ASH1L: variants seen among roughly 807,000 people sequenced by gnomAD.
ASH1L encodes histone-lysine N-methyltransferase ASH1L.
Under a neutral mutation model 269.0 loss-of-function variants are expected in ASH1L, and 23 were observed. The ratio of observed to expected loss-of-function variants is 0.09; its 90% confidence interval spans 0.06 to 0.12. The LOEUF (loss-of-function observed/expected upper bound fraction) is 0.12. ASH1L is among the 10% of genes least tolerant of loss of function. The probability of loss-of-function intolerance (pLI) is 1.00; values close to 1 mark genes in which losing one functional copy is unlikely to be tolerated. For synonymous variants in ASH1L, 1,187 were observed against 1,253.5 expected, an observed-to-expected ratio of 0.95 and a Z score of 1.12; for missense variants, 2,912 against 3,567.8, an observed-to-expected ratio of 0.82 and a Z score of 4.68.
chr1:155,474,399 T>C (rs899394870), intron 3 of ASH1L, among the ~76,000 whole-genome samples: 2 of 152,116 alleles, frequency 1.3e-5, no homozygotes, highest in African/African-American at 4.8e-5. Context: ...CACTTCAAAC[T>C]GTATGTATTA....
In ASH1L at chr1:155,482,295, G is replaced by A. The variant is rs753568698; in HGVS notation, c.575C>T (p.Thr192Met). Residue 192 changes from threonine (T) to methionine (M), a missense_variant, in exon 3 of 28, where the codon ACG becomes ATG. Thr to Met is a moderately conservative substitution (Grantham distance 81). Transcript: ENST00000392403. ...HSEMADYINATPSTLLGSRDP... is the reference protein window; with the variant it reads ...HSEMADYINAMPSTLLGSRDP... ...CCGGCTACCAAGAAGAGTAGATGGC[G>A]TTGCATTAATATAATCTGCCATTTC... The A allele has an allele frequency of 1.7e-5, 27 of 1,613,990 alleles. No individual in the cohort carries two copies. Among genetic ancestry groups the A allele is most frequent in the South Asian group, 4.4e-5 (4 of 91,092 alleles).
chr1:155,524,243 C>A (rs1323190316), intron 1 of ASH1L, among the ~76,000 whole-genome samples: 1 of 152,144 alleles, frequency 6.6e-6, no homozygotes, highest in Non-Finnish European at 1.5e-5. Context: ...ACAAAGTAGG[C>A]TGAGCATGGT....
chr1:155,419,311 C>G (rs1051025899), intron 5 of ASH1L: 4 of 150,230 alleles, frequency 2.7e-5, no homozygotes, highest in African/African-American at 7.4e-5. Flanking sequence ...GTAATGACAT[C>G]AAACAGTGTT....
intron 7 of ASH1L, among the ~76,000 whole-genome samples, chr1:155,382,312 C>G (rs1657043641): frequency 6.6e-6 from 1 of 151,632 alleles, no homozygotes; most frequent in South Asian, 2.1e-4. Flanking sequence ...TCCTGGCTAA[C>G]ATGGTGAAAC....
chr1:155,495,294 C>T (rs1667071045), intron 2 of ASH1L, among the ~76,000 whole-genome samples: 1 of 152,040 alleles, frequency 6.6e-6, no homozygotes, highest in East Asian at 1.9e-4. Context: ...TGATTTTTGT[C>T]ATTGTATGAT....
At chr1:155,400,378 G>C (rs1466484381) in intron 6 of ASH1L, among the ~76,000 whole-genome samples, 2 of 151,922 alleles carry the variant, frequency 1.3e-5, no homozygotes, top group South Asian at 4.1e-4. Flanking sequence ...AAGAGTCTTA[G>C]AGGAGTAATT....
At chr1:155,405,511 C>G (rs1276065745) in intron 6 of ASH1L, among the ~76,000 whole-genome samples, 1 of 151,846 alleles carries the variant, frequency 6.6e-6, no homozygotes, top group Non-Finnish European at 1.5e-5. Flanking sequence ...ACAACAACAA[C>G]AAACACTGTT....
At chr1:155,476,871 T>A (rs994269945) in intron 3 of ASH1L, among the ~76,000 whole-genome samples, 9 of 151,920 alleles carry the variant, frequency 5.9e-5, no homozygotes, top group African/African-American at 1.9e-4. Flanking sequence ...AAGTTTTTAA[T>A]CTTTTAGGGG....
Position 155,560,412 on chromosome 1 carries a change from G to A in ASH1L, c.-100+1741C>T, listed in dbSNP as rs115907380. The stretch of plus-strand genomic sequence containing the variant: ...CATTCTTTCTTCATATTCATAGAGG[G>A]GATTCTTACTATATGAAATGAGTCT... On this transcript the variant is annotated intron_variant, in intron 1 of 27. Transcript: ENST00000392403. Among the ~76,000 whole-genome samples the A allele has an allele frequency of 1.2e-3, 179 of 152,198 alleles. 1 individual carries two copies. The highest frequency in any genetic ancestry group is 4.1e-3 in the African/African-American group (170 of 41,518).
chr1:155,371,373 C>T (rs1224576925), intron 10 of ASH1L, among the ~76,000 whole-genome samples: 1 of 151,994 alleles, frequency 6.6e-6, no homozygotes. Context: ...CATGGTGAAA[C>T]CCTGTCTCTA....
At chr1:155,554,423 C>T (rs112745116) in intron 1 of ASH1L, among the ~76,000 whole-genome samples, 2 of 152,048 alleles carry the variant, frequency 1.3e-5, no homozygotes, top group African/African-American at 4.8e-5. Flanking sequence ...AAGGCGTGTG[C>T]CCCCACACAG....
chr1:155,347,419 A>G (rs1653452229), intron 20 of ASH1L, among the ~76,000 whole-genome samples: 1 of 152,184 alleles, frequency 6.6e-6, no homozygotes, highest in Non-Finnish European at 1.5e-5. Flanking sequence ...AAACAAAACA[A>G]AACAAAAAAA....
intron 2 of ASH1L, among the ~76,000 whole-genome samples, chr1:155,494,881 T>C (rs1482294172): frequency 2.6e-5 from 4 of 151,886 alleles, no homozygotes; most frequent in East Asian, 3.9e-4. Flanking sequence ...CACCAAGGTA[T>C]TGTAACATTA....
rs540848565 is a variant in ASH1L at position 155,480,582 on chromosome 1, T to G, written c.2288A>C (p.Asn763Thr). ...SNSEPAKFMK[N>T]IGPPSFVDHD... The stretch of plus-strand genomic sequence containing the variant: ...ATCTACAAATGAAGGGGGTCCAATG[T>G]TTTTCATAAACTTGGCTGGCTCAGA... Residue 763 changes from asparagine to threonine, a missense_variant, in exon 3 of 28, where the codon AAC becomes ACC. Physicochemically the swap from Asn to Thr is moderately conservative, Grantham distance 65. Coordinates refer to ENST00000392403, the MANE Select transcript of ASH1L (RefSeq NM_018489.3). 1 of 1,614,108 alleles carries G rather than the reference T, an allele frequency of 6.2e-7. No individual in the cohort carries two copies. The highest frequency in any genetic ancestry group is 1.3e-5 in the African/African-American group (1 of 75,038).
chr1:155,343,376 A>T lies in ASH1L; in HGVS notation c.8231T>A (p.Ile2744Asn). Reference sequence around the variant, plus strand: ...CCCCACTACAGCCTCCAAGGGAATGATCTCATAGAGTGGCACCCGAAATAG... The same window carrying T: ...CCCCACTACAGCCTCCAAGGGAATGTTCTCATAGAGTGGCACCCGAAATAG... ...NELFRVPLYEIIPLEAVVGTC... is the reference protein window; with the variant it reads ...NELFRVPLYENIPLEAVVGTC... The change falls in exon 24 of 28, where the codon ATC becomes AAC. Residue 2744 changes from isoleucine to asparagine, a missense_variant. By Grantham distance (149) the Ile-to-Asn change is moderately radical. Coordinates refer to ENST00000392403, the MANE Select transcript of ASH1L (RefSeq NM_018489.3). The surrounding 1 kb of genome is among the most constrained non-coding windows in gnomAD (Gnocchi z 6.1). 1.2e-6 allele frequency: 2 copies of T among 1,614,220 alleles called. No individual in the cohort carries two copies. Among genetic ancestry groups the T allele is most frequent in the Non-Finnish European group, 1.7e-6 (2 of 1,180,024 alleles).
rs34813767 is a variant in ASH1L, at chr1:155,543,509, C to CAA, written c.-100+18642_-100+18643dup. Among the ~76,000 whole-genome samples, 459 of 56,328 alleles carry CAA rather than the reference C, an allele frequency of 8.1e-3. 5 individuals carry two copies. Among genetic ancestry groups the CAA allele is most frequent in the South Asian group, 0.014 (22 of 1,520 alleles). The allele number at this position is 56,328 out of a possible 152,430, so 37.0% of individuals were successfully genotyped here. On this transcript the variant is annotated intron_variant, in intron 1 of 27. Transcript: ENST00000392403. ...TGCATCACAGAGTGAGACTCTGTCT[C>CAA]AAAAAAAAAAAAAAAAAAAAAAGAT...
chr1:155,522,237 T>A (rs1345618409), intron 1 of ASH1L, among the ~76,000 whole-genome samples: 1 of 152,228 alleles, frequency 6.6e-6, no homozygotes, highest in Non-Finnish European at 1.5e-5. Context: ...CAGGAACTTA[T>A]GCAGATATTA....
At chr1:155,472,281 C>T (rs1380000008) in intron 3 of ASH1L, among the ~76,000 whole-genome samples, 2 of 152,138 alleles carry the variant, frequency 1.3e-5, no homozygotes, top group Non-Finnish European at 2.9e-5. Flanking sequence ...CAGAGAGAGA[C>T]TCCATCTCAA....
intron 5 of ASH1L, among the ~76,000 whole-genome samples, chr1:155,419,102 C>T (rs987060726): frequency 6.7e-6 from 1 of 149,916 alleles, no homozygotes; most frequent in Non-Finnish European, 1.5e-5. Context: ...AAAGAGAAAA[C>T]ACACGTTATA....
Sources: gnomAD v4.1 joint callset for allele counts (sites outside exome capture counted in the v4.1 genomes callset) on GRCh38, gnomAD v4.1.1 for gene constraint, Gnocchi (gnomAD v3.1) non-coding constraint, MANE v1.5 for transcripts, NCBI Gene and HGNC (gene_info 2026-07-23, HGNC 2026-07-21) for gene names.